Variants in CASP8 observed in about 807,000 individuals in gnomAD.
The protein encoded by CASP8 is caspase-8.
A neutral mutation model predicts 46.3 loss-of-function variants in CASP8; 24 were observed. The observed-to-expected ratio is 0.52, with a 90% CI of 0.38 to 0.73. The LOEUF (loss-of-function observed/expected upper bound fraction) is 0.73, where lower values mean the gene tolerates loss of function less well. CASP8 is among the 30% of genes least tolerant of loss of function. CASP8 has a pLI of 0.00. For missense variants in CASP8, 460 were observed against 559.0 expected, an observed-to-expected ratio of 0.82 and a Z score of 1.79; for synonymous variants, 188 against 200.4, an observed-to-expected ratio of 0.94 and a Z score of 0.52.
At chr2:201,283,377 G>A (rs1335507016) in intron 7 of CASP8, among the ~76,000 whole-genome samples, 34 of 62,464 alleles carry the variant, frequency 5.4e-4, no homozygotes, top group African/African-American at 1.5e-3. Flanking sequence ...CGGACGGGGC[G>A]GCTGGCCAGG....
intron 2 of CASP8, among the ~76,000 whole-genome samples, chr2:201,237,606 C>A (rs906434718): frequency 7.9e-5 from 12 of 152,144 alleles, no homozygotes; most frequent in Non-Finnish European, 2.9e-5. Flanking sequence ...GAAGAATTCA[C>A]AAGTTGTAAA....
Position 201,284,837 on chromosome 2 carries a change from A to G in CASP8, c.824A>G (p.Glu275Gly). 3.1e-6 allele frequency: 5 copies of G among 1,614,110 alleles called. No individual in the cohort carries two copies. The highest frequency in any genetic ancestry group is 4.2e-6 in the Non-Finnish European group (5 of 1,180,020). The change falls in exon 8 of 9, where the codon GAA (glutamate) becomes GGA (glycine). Residue 275 changes from glutamate (E) to glycine (G), a missense_variant. Physicochemically the swap from Glu to Gly is moderately conservative, Grantham distance 98. Transcript: ENST00000673742. ...LDAGALTTTF[E>G]ELHFEIKPHD... ...TCAGGGGCTTTGACCACGACCTTTG[A>G]AGAGCTTCATTTTGAGATCAAGCCC...
intron 6 of CASP8, 79 bp from the exon 7 acceptor site, chr2:201,276,748 C>A: frequency 1.3e-6 from 2 of 1,597,380 alleles, no homozygotes; most frequent in Non-Finnish European, 1.7e-6. Flanking sequence ...AGCAAGTCCT[C>A]TTACTAGGGA....
upstream of CASP8, among the ~76,000 whole-genome samples, chr2:201,257,118 C>T (rs921133062): frequency 1.3e-5 from 2 of 151,576 alleles, no homozygotes; most frequent in African/African-American, 4.9e-5. Flanking sequence ...GCACTCCAGC[C>T]TGGGCAACAA....
chr2:201,266,361 C>T lies in CASP8; in HGVS notation c.-26-100C>T, dbSNP rs1338139962. The T allele has an allele frequency of 3.5e-6, 3 of 868,870 alleles. No homozygotes were observed. The African/African-American group carries it at 5.0e-5, about 15-fold the overall frequency. 53.8% of individuals were successfully genotyped at this position (868,870 alleles called of 1,614,324 possible). On this transcript the variant is annotated intron_variant, in intron 1 of 8. Transcript: ENST00000673742. The surrounding 1 kb of genome is among the most constrained non-coding windows in gnomAD (Gnocchi z 5.7). ...CTTTTTTTCTCTCCTGTGCTGACAG[C>T]ACAATGACCAGTACCTAGTAGTTGC...
chr2:201,269,420 G>T (rs1379450802), intron 2 of CASP8: 5 of 782,542 alleles, frequency 6.4e-6, no homozygotes, highest in Non-Finnish European at 8.8e-6. Flanking sequence ...TATTCATTAA[G>T]GCGCCAGTTA....
intron 2 of CASP8, 25 bp from the exon 3 acceptor site, chr2:201,271,490 TA>T: frequency 1.5e-6 from 2 of 1,351,590 alleles, no homozygotes; most frequent in Non-Finnish European, 2.1e-6. Flanking sequence ...AAAAGATTTC[TA>T]AAGTGTCTCC....
intron 8 of CASP8, 39 bp from the exon 9 acceptor site, chr2:201,286,419 TC>T (rs1168119723): frequency 6.2e-7 from 1 of 1,604,890 alleles, no homozygotes; most frequent in South Asian, 1.1e-5. Context: ...TCAGTTGCTT[TC>T]CCCCACAGAC....
rs1253485303 is a variant in CASP8 at position 201,284,883 on chromosome 2, G to A, written c.870G>A (p.Glu290=). 1 of 1,614,082 alleles carries A rather than the reference G, an allele frequency of 6.2e-7. No homozygotes were observed. Reference sequence around the variant, plus strand: ...AGCCCCACGATGACTGCACAGTAGAGCAAATCTATGAGATTTTGAAAATCT... The same window carrying A: ...AGCCCCACGATGACTGCACAGTAGAACAAATCTATGAGATTTTGAAAATCT... ...EIKPHDDCTV[E]QIYEILKIYQ... Residue 290 remains glutamate (E), a synonymous_variant, in exon 8 of 9, where the codon GAG becomes GAA. Transcript: ENST00000673742.
rs1491383060 is a variant in CASP8 at position 201,280,058 on chromosome 2, C to CT, written c.802+3096dup. ...AAGATAATGTTGAGAAAAAAGCAACCTTTTTTAATGCTTAATATTGGTATT... is the reference window on the plus strand; with the variant it reads ...AAGATAATGTTGAGAAAAAAGCAACCTTTTTTTAATGCTTAATATTGGTATT... On this transcript the variant is annotated intron_variant, in intron 7 of 8. Transcript: ENST00000673742. 3.3e-5 allele frequency among the ~76,000 whole-genome samples: 5 copies of CT among 151,506 alleles called. No individual in the cohort carries two copies. The East Asian group carries it at 9.7e-4, about 29-fold the overall frequency.
At chr2:201,260,286 T>C (rs1947295206), upstream of CASP8, among the ~76,000 whole-genome samples, 2 of 152,206 alleles carry the variant, frequency 1.3e-5, no homozygotes, top group African/African-American at 2.4e-5. Context: ...TTTTGGAATG[T>C]GGAAATGAGG....
Position 201,284,972 on chromosome 2 carries a change from A to G in CASP8, c.959A>G (p.Lys320Arg). ...TGCTGTATCCTCTCCCATGGAGACA[A>G]GGGCATCATCTATGGCACTGATGGA... Reference protein sequence around the residue: ...FICCILSHGDKGIIYGTDGQE... With the variant: ...FICCILSHGDRGIIYGTDGQE... The change falls in exon 8 of 9, where the codon AAG becomes AGG. Residue 320 changes from lysine to arginine, a missense_variant. By Grantham distance (26) the Lys-to-Arg change is conservative (BLOSUM62 2). Coordinates refer to ENST00000673742, the MANE Select transcript of CASP8 (RefSeq NM_001372051.1). 6.2e-7 allele frequency: 1 copy of G among 1,614,146 alleles called. No individual in the cohort carries two copies. The highest frequency in any genetic ancestry group is 1.6e-4 in the Middle Eastern group (1 of 6,062).
chr2:201,270,458 G>A (rs16837034), intron 2 of CASP8, among the ~76,000 whole-genome samples: 4,082 of 152,242 alleles, frequency 0.027, 88 homozygotes, highest in Middle Eastern at 0.078. Context: ...GCCTGGGTCC[G>A]CTGAGCTCAA....
rs372202308 is a variant in CASP8, at chr2:201,261,340, G to A, written c.-27+727G>A. 4.1e-5 allele frequency among the ~76,000 whole-genome samples: 6 copies of A among 145,808 alleles called. No homozygotes were observed. The East Asian group carries it at 1.2e-3, about 29-fold the overall frequency. On this transcript the variant is annotated intron_variant, in intron 1 of 8. Transcript: ENST00000673742. ...TGGGAGGTGGAAGTTGTGGTGAGCC[G>A]AGATCGTGCCACTGCACTCCAGCCT...
intron 7 of CASP8, among the ~76,000 whole-genome samples, chr2:201,282,465 CG>C (rs1949125680): frequency 3.1e-5 from 3 of 97,978 alleles, no homozygotes; most frequent in Non-Finnish European, 7.3e-5. Context: ...ACCTCCCAGA[CG>C]GGGTCGTGGC....
intron 2 of CASP8, chr2:201,241,982 G>A (rs1312755847): frequency 2.0e-5 from 3 of 152,128 alleles, no homozygotes; most frequent in Non-Finnish European, 4.4e-5. Flanking sequence ...TGCAGAGAAA[G>A]CATTTGACAA....
chr2:201,261,305 C>T (rs939990802), intron 1 of CASP8, among the ~76,000 whole-genome samples: 2 of 149,600 alleles, frequency 1.3e-5, no homozygotes, highest in East Asian at 4.0e-4. Flanking sequence ...GCAGGAGAAT[C>T]GCTTGAACCT....
chr2:201,285,443 G>A, intron 8 of CASP8, 126 bp downstream of exon 8: 1 of 1,166,730 alleles, frequency 8.6e-7, no homozygotes, highest in Middle Eastern at 2.8e-4. Flanking sequence ...ACATTAACAG[G>A]TCAGAGAACT....
intron 6 of CASP8, 61 bp downstream of exon 6, chr2:201,275,014 AGC>A: frequency 1.7e-6 from 2 of 1,176,508 alleles, no homozygotes; most frequent in Admixed American, 2.1e-5. Flanking sequence ...TTAATTTGTT[AGC>A]TTTTTTTTTT....
Sources: allele counts gnomAD v4.1 joint callset (sites outside exome capture counted in the v4.1 genomes callset), GRCh38; gene constraint gnomAD v4.1.1; non-coding constraint Gnocchi (gnomAD v3.1); transcripts MANE v1.5; gene names NCBI Gene and HGNC (gene_info 2026-07-23, HGNC 2026-07-21).